Variants in GRM5 observed in about 807,000 individuals in gnomAD.
GRM5 encodes glutamate metabotropic receptor 5, also known as metabotropic glutamate receptor 5.
In GRM5, 19 loss-of-function variants were observed where a neutral mutation model predicts 83.1. The observed-to-expected ratio is 0.23, with a 90% CI of 0.16 to 0.34. GRM5 has a LOEUF of 0.34. Ranked by LOEUF, GRM5 falls within the 10% of genes least tolerant of loss-of-function variation. The pLI, the probability that GRM5 is intolerant of heterozygous loss-of-function variation, is 1.00. For synonymous variants in GRM5, 675 were observed against 633.6 expected (o/e 1.07, Z -0.98); for missense variants, 1,160 against 1,588.3 (o/e 0.73, Z 4.58).
intron 2 of GRM5, among the ~76,000 whole-genome samples, chr11:89,010,304 T>C (rs1343399263): frequency 6.6e-6 from 1 of 152,204 alleles, no homozygotes; most frequent in Non-Finnish European, 1.5e-5. Flanking sequence ...TCTAAGATTT[T>C]ATCATGACAC....
intron 4 of GRM5, among the ~76,000 whole-genome samples, chr11:88,623,197 T>C (rs986877137): frequency 6.6e-6 from 1 of 152,206 alleles, no homozygotes; most frequent in African/African-American, 2.4e-5. Flanking sequence ...GCGATTCTCC[T>C]GCCTCAGCCT....
chr11:88,696,511 A>G (rs1159180704), intron 3 of GRM5, among the ~76,000 whole-genome samples: 1 of 152,134 alleles, frequency 6.6e-6, no homozygotes, highest in Admixed American at 6.6e-5. Context: ...TGTGATTTGA[A>G]CATTAAATAA....
intron 8 of GRM5, among the ~76,000 whole-genome samples, chr11:88,559,394 G>A (rs1942704618): frequency 6.6e-6 from 1 of 152,174 alleles, no homozygotes; most frequent in Non-Finnish European, 1.5e-5. Flanking sequence ...AGTGGGCTAT[G>A]AAGCTAGCTT....
intron 1 of GRM5, among the ~76,000 whole-genome samples, chr11:89,057,351 C>A (rs1361087352): frequency 2.3e-5 from 3 of 130,398 alleles, no homozygotes; most frequent in African/African-American, 8.1e-5. Flanking sequence ...ATTACTATCT[C>A]AATCACACAT....
At chr11:89,055,321 G>T (rs1397173146) in intron 1 of GRM5, among the ~76,000 whole-genome samples, 1 of 152,278 alleles carries the variant, frequency 6.6e-6, no homozygotes, top group Admixed American at 6.5e-5. Context: ...CTACCCCAAA[G>T]AGTTTTAGTG....
At chr11:88,582,356 A>G (rs1353605522) in intron 7 of GRM5, among the ~76,000 whole-genome samples, 1 of 152,198 alleles carries the variant, frequency 6.6e-6, no homozygotes, top group Admixed American at 6.5e-5. Context: ...GTATAATTTA[A>G]TGCAATTATT....
intron 2 of GRM5, among the ~76,000 whole-genome samples, chr11:88,955,927 T>A (rs1938596616): frequency 6.6e-6 from 1 of 152,246 alleles, no homozygotes; most frequent in South Asian, 2.1e-4. Context: ...TGAAGACCAT[T>A]TGAATCTCTT....
chr11:88,985,937 G>A (rs1939691761), intron 2 of GRM5, among the ~76,000 whole-genome samples: 1 of 151,904 alleles, frequency 6.6e-6, no homozygotes, highest in South Asian at 2.1e-4. Flanking sequence ...GTCCAACTCT[G>A]GAAAACATTT....
chr11:89,009,845 G>C (rs1177123658), intron 2 of GRM5, among the ~76,000 whole-genome samples: 1 of 131,910 alleles, frequency 7.6e-6, no homozygotes, highest in Non-Finnish European at 1.5e-5. Context: ...AGCTTGCAGT[G>C]AGCCGAGATC....
chr11:89,052,313 C>T (rs184263121), intron 1 of GRM5, among the ~76,000 whole-genome samples: 32 of 152,110 alleles, frequency 2.1e-4, no homozygotes, highest in African/African-American at 7.7e-4. Flanking sequence ...TGCAAAGGTA[C>T]AGCTAAAAAA....
At chr11:88,999,552 C>T (rs1416897558) in intron 2 of GRM5, among the ~76,000 whole-genome samples, 1 of 152,044 alleles carries the variant, frequency 6.6e-6, no homozygotes, top group Non-Finnish European at 1.5e-5. Context: ...CATCTCATAC[C>T]AGTTAGAATG....
intron 3 of GRM5, among the ~76,000 whole-genome samples, chr11:88,668,230 A>ACACAAAGACAGAATAATTTTATAT (rs1940097965): frequency 6.7e-6 from 1 of 149,900 alleles, no homozygotes; most frequent in Non-Finnish European, 1.5e-5. Context: ...ACACACACAC[A>ACACAAAGACAGAATAATTTTATAT]CAAAGACAGA....
At chr11:88,779,608 AAT>A (rs1473501805) in intron 3 of GRM5, among the ~76,000 whole-genome samples, 3 of 152,258 alleles carry the variant, frequency 2.0e-5, no homozygotes, top group African/African-American at 7.2e-5. Flanking sequence ...TAAAGAAATT[AAT>A]ATACTCACAC....
chr11:88,673,238 A>T (rs1940236542), intron 3 of GRM5, among the ~76,000 whole-genome samples: 1 of 151,904 alleles, frequency 6.6e-6, no homozygotes, highest in Admixed American at 6.6e-5. Flanking sequence ...TGATTATAGG[A>T]TGGAAAATAA....
At chr11:88,696,473 T>G (rs1320837241) in intron 3 of GRM5, among the ~76,000 whole-genome samples, 1 of 152,178 alleles carries the variant, frequency 6.6e-6, no homozygotes, top group Non-Finnish European at 1.5e-5. Flanking sequence ...CCTGCCTCCC[T>G]GCCTCCCTTC....
At chr11:88,906,942 C>T (rs1327528716) in intron 2 of GRM5, among the ~76,000 whole-genome samples, 2 of 152,092 alleles carry the variant, frequency 1.3e-5, no homozygotes, top group African/African-American at 2.4e-5. Flanking sequence ...GTTTGAACAT[C>T]TAGTACTGCT....
chr11:88,914,103 CT>C (rs1945550289), intron 2 of GRM5, among the ~76,000 whole-genome samples: 1 of 152,170 alleles, frequency 6.6e-6, no homozygotes, highest in Admixed American at 6.5e-5. Flanking sequence ...TCATATGTCT[CT>C]TAATGTCTCC....
chr11:88,827,058 G>A (rs948645901), intron 3 of GRM5, among the ~76,000 whole-genome samples: 12 of 152,212 alleles, frequency 7.9e-5, no homozygotes, highest in African/African-American at 2.6e-4. Context: ...AAACAGCACC[G>A]TCTTCTCTGG....
intron 4 of GRM5, among the ~76,000 whole-genome samples, chr11:88,638,710 T>A (rs80230933): frequency 1.3e-5 from 2 of 152,144 alleles, no homozygotes; most frequent in Non-Finnish European, 2.9e-5. Flanking sequence ...TGAACATTGG[T>A]AGAATGTTAA....
Sources: allele counts gnomAD v4.1 joint callset (sites outside exome capture counted in the v4.1 genomes callset), GRCh38; gene constraint gnomAD v4.1.1; transcripts MANE v1.5; gene names NCBI Gene and HGNC (gene_info 2026-07-23, HGNC 2026-07-21).